The following HDLBP variants were observed in gnomAD, a reference collection of about 807,000 sequenced individuals.
HDLBP encodes the protein vigilin.
In HDLBP, 30 loss-of-function variants were observed where a neutral mutation model predicts 137.3. That is an observed-to-expected ratio of 0.22 (90% CI 0.16 to 0.30). The LOEUF is 0.30. HDLBP is among the 10% of genes least tolerant of loss of function. HDLBP has a pLI of 1.00. For missense variants in HDLBP, 1,119 were observed against 1,667.3 expected, an observed-to-expected ratio of 0.67 and a Z score of 5.73; for synonymous variants, 606 against 596.0, an observed-to-expected ratio of 1.02 and a Z score of -0.24.
In HDLBP at chr2:241,242,691, A is replaced by G; in HGVS notation, c.1951-13T>C. 5 of 1,606,452 alleles carry G rather than the reference A, an allele frequency of 3.1e-6. No individual in the cohort carries two copies. The highest frequency in any genetic ancestry group is 4.3e-6 in the Non-Finnish European group (5 of 1,174,332). ...CGGCTATGTTGGCCTGAAACCAAACACAGGGCAGGAGGAGGAAGTCACATT... is the reference window on the plus strand; with the variant it reads ...CGGCTATGTTGGCCTGAAACCAAACGCAGGGCAGGAGGAGGAAGTCACATT... On this transcript the variant is annotated splice_polypyrimidine_tract_variant and intron_variant, in intron 16 of 27. Transcript: ENST00000310931.
chr2:241,240,308 A>T lies in HDLBP; in HGVS notation c.2170-186T>A, dbSNP rs1574878824. ...ACTGAATAAACAGATGAATACCCAG[A>T]CTGCACACCTACTTCTCTTCCACAA... is the stretch of plus-strand genomic sequence containing the variant. On this transcript the variant is annotated intron_variant, in intron 17 of 27. Transcript: ENST00000310931. The surrounding 1 kb of genome is among the most constrained non-coding windows in gnomAD (Gnocchi z 5.5). 3 of 640,772 alleles carry T rather than the reference A, an allele frequency of 4.7e-6. No homozygotes were observed. The highest frequency in any genetic ancestry group is 8.5e-6 in the Non-Finnish European group (3 of 353,124). 39.7% of individuals were successfully genotyped at this position (640,772 alleles called of 1,614,324 possible). A position where few individuals can be genotyped will look rare whatever the true frequency, so the allele number is the denominator to read the frequency against.
intron 1 of HDLBP, among the ~76,000 whole-genome samples, chr2:241,307,444 G>A (rs1199473814): frequency 1.3e-5 from 2 of 152,168 alleles, no homozygotes; most frequent in African/African-American, 4.8e-5. Context: ...ATGGGTAGGG[G>A]CTACACGAAT....
chr2:241,245,944 T>C (rs1285904928), intron 16 of HDLBP, among the ~76,000 whole-genome samples: 1 of 152,204 alleles, frequency 6.6e-6, no homozygotes, highest in Non-Finnish European at 1.5e-5. Flanking sequence ...AGCAAAAGGA[T>C]AATGCAGGAC....
intron 1 of HDLBP, among the ~76,000 whole-genome samples, chr2:241,300,184 G>C (rs1038860188): frequency 2.4e-4 from 37 of 152,106 alleles, no homozygotes; most frequent in Middle Eastern, 3.4e-3. Flanking sequence ...AAACAACTTC[G>C]AGGTCCACAT....
rs2069594300 is a variant in HDLBP, at chr2:241,230,358, G to A, written c.3475-89C>T. 5 of 853,324 alleles carry A rather than the reference G, an allele frequency of 5.9e-6. No individual in the cohort carries two copies. The highest frequency in any genetic ancestry group is 9.4e-6 in the Non-Finnish European group (5 of 533,428). 52.9% of individuals were successfully genotyped at this position (853,324 alleles called of 1,614,324 possible). ...GTCAATTTCTAGTGAAGCATTTTCTGAGTTAGCAAACGTTTTAAAATCTGG... is the reference window on the plus strand; with the variant it reads ...GTCAATTTCTAGTGAAGCATTTTCTAAGTTAGCAAACGTTTTAAAATCTGG... On this transcript the variant is annotated intron_variant, in intron 25 of 27. Transcript: ENST00000310931. This position sits in a 1 kb window ranked among gnomAD's most constrained non-coding sequence, Gnocchi z 5.0.
At position 241,272,445 on chromosome 2, in the gene HDLBP, G is replaced by A. The variant is rs2074154449; in HGVS notation, c.-102-3904C>T. The A allele has an allele frequency of 1.0e-6, 1 of 984,480 alleles. No homozygotes were observed. The highest frequency in any genetic ancestry group is 1.2e-6 in the Non-Finnish European group (1 of 829,634). 61.0% of individuals were successfully genotyped at this position (984,480 alleles called of 1,614,324 possible). On this transcript the variant is annotated intron_variant, in intron 1 of 27. Transcript: ENST00000310931. The surrounding 1 kb of genome is among the most constrained non-coding windows in gnomAD (Gnocchi z 5.6). ...CGAAGCCCCGGGAGGAGGCGGGGGA[G>A]CCCAGCTTGCAGCCAAGAGCGGCCC...
intron 1 of HDLBP, among the ~76,000 whole-genome samples, chr2:241,287,324 T>TCTACAC (rs2074852675): frequency 6.6e-6 from 1 of 152,024 alleles, no homozygotes; most frequent in Non-Finnish European, 1.5e-5. Flanking sequence ...TTGGCCAGGC[T>TCTACAC]GGTCTCAAAC....
chr2:241,299,770 C>A (rs1302276505), intron 1 of HDLBP, among the ~76,000 whole-genome samples: 2 of 151,996 alleles, frequency 1.3e-5, no homozygotes, highest in East Asian at 3.9e-4. Context: ...AAAAAATTAG[C>A]CGCACATGAT....
At position 241,242,476 on chromosome 2, in the gene HDLBP, T is replaced by A. The variant is rs1304230191; in HGVS notation, c.2153A>T (p.His718Leu). 1.2e-6 allele frequency: 2 copies of A among 1,613,838 alleles called. No homozygotes were observed. Among genetic ancestry groups the A allele is most frequent in the Non-Finnish European group, 1.7e-6 (2 of 1,179,840 alleles). Reference protein sequence around the residue: ...DVEKAKKQLLHLAEEKQTKSF... With the variant: ...DVEKAKKQLLLLAEEKQTKSF... ...CATGCTCACCTTCTCCTCCGCCAGA[T>A]GCAGGAGCTGCTTCTTGGCCTTCTC... The change falls in exon 17 of 28, where the codon CAT (histidine) becomes CTT (leucine). Residue 718 changes from histidine (H) to leucine (L), a missense_variant. His to Leu is a moderately conservative substitution (Grantham distance 99). Transcript: ENST00000310931.
Position 241,303,533 on chromosome 2 carries a change from T to C in HDLBP, c.-103+12037A>G, listed in dbSNP as rs373621653. Among the ~76,000 whole-genome samples the C allele has an allele frequency of 1.7e-4, 26 of 152,324 alleles. No individual in the cohort carries two copies. The South Asian group carries it at 5.2e-3, about 30-fold the overall frequency. On this transcript the variant is annotated intron_variant, in intron 1 of 27. Transcript: ENST00000310931. ...TCAAGGACAGCAGCGCCCTCAATAC[T>C]GAGCTTGGTCACAGAAGGCACCTGC... is the stretch of plus-strand genomic sequence containing the variant.
chr2:241,306,691 T>G (rs1363245579), intron 1 of HDLBP, among the ~76,000 whole-genome samples: 1 of 151,980 alleles, frequency 6.6e-6, no homozygotes, highest in Non-Finnish European at 1.5e-5. Context: ...GCAGATCATT[T>G]GAGGTCAGGA....
intron 1 of HDLBP, among the ~76,000 whole-genome samples, chr2:241,286,402 T>C (rs2074810483): frequency 6.6e-6 from 1 of 152,220 alleles, no homozygotes; most frequent in South Asian, 2.1e-4. Context: ...CTGAGATAAA[T>C]GCGTATCTGA....
intron 11 of HDLBP, among the ~76,000 whole-genome samples, chr2:241,251,849 C>T (rs1262862777): frequency 3.3e-5 from 5 of 152,010 alleles, no homozygotes; most frequent in African/African-American, 9.7e-5. Context: ...TGGTGGTGCA[C>T]GCCTGTAATC....
chr2:241,283,545 G>A (rs2074693120), intron 1 of HDLBP, among the ~76,000 whole-genome samples: 1 of 150,296 alleles, frequency 6.7e-6, no homozygotes, highest in Admixed American at 6.7e-5. Flanking sequence ...CATGATCTCT[G>A]CTCAGTGTAA....
At chr2:241,237,997 G>A (rs527295425) in intron 20 of HDLBP, among the ~76,000 whole-genome samples, 8 of 152,356 alleles carry the variant, frequency 5.3e-5, no homozygotes, top group African/African-American at 1.9e-4. Flanking sequence ...AGGGCCACCT[G>A]CCGCCCAAAC....
chr2:241,281,007 T>C (rs1227169543), intron 1 of HDLBP, among the ~76,000 whole-genome samples: 2 of 152,214 alleles, frequency 1.3e-5, no homozygotes, highest in African/African-American at 4.8e-5. Context: ...AAGAATAATA[T>C]TTACTTAGAG....
chr2:241,280,895 A>G (rs1436351406), intron 1 of HDLBP, among the ~76,000 whole-genome samples: 1 of 152,242 alleles, frequency 6.6e-6, no homozygotes, highest in Admixed American at 6.5e-5. Context: ...CTAAACCACT[A>G]AACTCACTAC....
At position 241,264,560 on chromosome 2, in the gene HDLBP, T is replaced by C. The variant is rs770075568; in HGVS notation, c.122A>G (p.Lys41Arg). The C allele has an allele frequency of 6.2e-7, 1 of 1,613,960 alleles. No individual in the cohort carries two copies. The highest frequency in any genetic ancestry group is 1.7e-5 in the Admixed American group (1 of 60,012). The stretch of plus-strand genomic sequence containing the variant: ...CTCAGGAAGTGGAGGGAAGGCATCC[T>C]TGTAGGTTGGAGGGTCGCTCTCCTC... ...SEEESDPPTY[K>R]DAFPPLPEKA... The change falls in exon 4 of 28, where the codon AAG (lysine) becomes AGG (arginine). Residue 41 changes from lysine (K) to arginine (R), a missense_variant. Lys to Arg is a conservative substitution (Grantham distance 26). This residue lies in a region of HDLBP where 59 missense variants were observed against 92.4 expected (regional missense o/e 0.64). Coordinates refer to ENST00000310931, the MANE Select transcript of HDLBP (RefSeq NM_005336.6).
intron 1 of HDLBP, among the ~76,000 whole-genome samples, chr2:241,314,493 T>C (rs763148068): frequency 2.6e-5 from 4 of 152,186 alleles, no homozygotes; most frequent in Non-Finnish European, 5.9e-5. Flanking sequence ...AGGGTATAGG[T>C]AGCTATGAAT....
Sources: gnomAD v4.1 joint callset for allele counts (sites outside exome capture counted in the v4.1 genomes callset) on GRCh38, gnomAD v4.1.1 for gene constraint, gnomAD v4.1.1 regional missense constraint, Gnocchi (gnomAD v3.1) non-coding constraint, MANE v1.5 for transcripts, NCBI Gene and HGNC (gene_info 2026-07-23, HGNC 2026-07-21) for gene names.